Variants in SLC28A3 observed in about 807,000 individuals in gnomAD.
SLC28A3 encodes the protein solute carrier family 28 member 3, also known as concentrative Na(+)-nucleoside cotransporter 3.
A neutral mutation model predicts 84.2 loss-of-function variants in SLC28A3; 68 were observed. The observed-to-expected ratio is 0.81, with a 90% CI of 0.66 to 0.99. The LOEUF is 0.99. Ranked by LOEUF, SLC28A3 falls within the 50% of genes least tolerant of loss-of-function variation. The pLI is 0.00. For missense variants in SLC28A3, 712 were observed against 841.5 expected (o/e 0.85, Z 1.90); for synonymous variants, 267 against 303.6 (o/e 0.88, Z 1.25).
intron 5 of SLC28A3, among the ~76,000 whole-genome samples, chr9:84,301,352 A>AG (rs59593413): frequency 0.051 from 7,405 of 144,802 alleles, 240 homozygotes; most frequent in African/African-American, 0.19. Context: ...TCTGTCTCAA[A>AG]AAAAAAAAAA....
At chr9:84,342,829 G>T (rs1442522635), upstream of SLC28A3, among the ~76,000 whole-genome samples, 1 of 152,138 alleles carries the variant, frequency 6.6e-6, no homozygotes, top group Non-Finnish European at 1.5e-5. Flanking sequence ...ACACATTCTA[G>T]GAACAGAAAG....
chr9:84,281,957 C>T (rs1824768178), intron 14 of SLC28A3, among the ~76,000 whole-genome samples: 2 of 151,312 alleles, frequency 1.3e-5, no homozygotes, highest in Admixed American at 6.6e-5. Context: ...GAAACACTGC[C>T]TCTACTAAAA....
chr9:84,334,166 G>A (rs1307981940), intron 1 of SLC28A3, among the ~76,000 whole-genome samples: 1 of 152,160 alleles, frequency 6.6e-6, no homozygotes, highest in Non-Finnish European at 1.5e-5. Context: ...GGGCCTGGTG[G>A]CTCATGCCTG....
chr9:84,366,935 A>G, the SLC28A3 span, among the ~76,000 whole-genome samples: 2 of 152,204 alleles, frequency 1.3e-5, no homozygotes, highest in Non-Finnish European at 2.9e-5. Context: ...TACAGTCAAC[A>G]GGTGACAAGG....
chr9:84,326,726 C>A (rs965551102), intron 1 of SLC28A3, among the ~76,000 whole-genome samples: 1 of 152,132 alleles, frequency 6.6e-6, no homozygotes, highest in Admixed American at 6.5e-5. Flanking sequence ...ACACCTCAGG[C>A]CAAGTGTGGT....
chr9:84,339,313 G>A (rs567198416), intron 1 of SLC28A3, among the ~76,000 whole-genome samples: 23 of 152,162 alleles, frequency 1.5e-4, no homozygotes, highest in Middle Eastern at 3.4e-3. Context: ...ACAGAGGCAC[G>A]ATCTTGGCTC....
intron 11 of SLC28A3, among the ~76,000 whole-genome samples, chr9:84,289,050 G>A (rs1312103800): frequency 4.6e-5 from 7 of 151,950 alleles, no homozygotes; most frequent in Non-Finnish European, 7.4e-5. Context: ...AGGTCCACTC[G>A]TTCCCCTTCC....
chr9:84,363,073 T>C, the SLC28A3 span, among the ~76,000 whole-genome samples: 1 of 152,214 alleles, frequency 6.6e-6, no homozygotes, highest in African/African-American at 2.4e-5. Context: ...GAAAGAAATA[T>C]TAACTTTCAG....
the SLC28A3 span, among the ~76,000 whole-genome samples, chr9:84,360,435 T>G: frequency 6.6e-6 from 1 of 152,072 alleles, no homozygotes; most frequent in African/African-American, 2.4e-5. Context: ...TGGGGAGCCC[T>G]GGAGATGTTT....
intron 12 of SLC28A3, 102 bp from the exon 13 acceptor site, chr9:84,286,213 C>T: frequency 8.9e-7 from 1 of 1,125,304 alleles, no homozygotes; most frequent in East Asian, 2.5e-5. Flanking sequence ...AAGAGACAAA[C>T]TCTAAGGCCC....
intron 9 of SLC28A3, among the ~76,000 whole-genome samples, chr9:84,293,273 G>C (rs1169525667): frequency 6.6e-6 from 1 of 152,160 alleles, no homozygotes; most frequent in Non-Finnish European, 1.5e-5. Context: ...CGTGGTTTTT[G>C]GTTCCACTTT....
rs2118389737 is a variant in SLC28A3, at chr9:84,309,598, C to T, written c.242+31G>A. On this transcript the variant is annotated intron_variant, in intron 3 of 17. Coordinates refer to ENST00000376238, the MANE Select transcript of SLC28A3 (RefSeq NM_001199633.2). ...GTAATAAAACCAAACGGGAGGTAGGCTTGGTTATTTCCCTGTTTTAAAGAC... is the reference window on the plus strand; with the variant it reads ...GTAATAAAACCAAACGGGAGGTAGGTTTGGTTATTTCCCTGTTTTAAAGAC... The T allele has an allele frequency of 2.9e-6, 4 of 1,391,688 alleles. No homozygotes were observed. The East Asian group carries it at 7.8e-5, about 27-fold the overall frequency. 86.2% of individuals were successfully genotyped at this position (1,391,688 alleles called of 1,614,324 possible). A position where few individuals can be genotyped will look rare whatever the true frequency, so the allele number is the denominator to read the frequency against.
chr9:84,291,485 C>T (rs568615041), intron 10 of SLC28A3, among the ~76,000 whole-genome samples: 12 of 152,278 alleles, frequency 7.9e-5, no homozygotes, highest in African/African-American at 1.2e-4. Context: ...TCCAGGCATA[C>T]GCCACCATGC....
intron 1 of SLC28A3, among the ~76,000 whole-genome samples, chr9:84,335,192 C>A (rs921351510): frequency 1.3e-5 from 2 of 152,146 alleles, no homozygotes; most frequent in Non-Finnish European, 2.9e-5. Flanking sequence ...AACCAACAGG[C>A]CTCAAAGAGA....
the SLC28A3 span, among the ~76,000 whole-genome samples, chr9:84,359,855 G>T: frequency 1.3e-5 from 2 of 151,840 alleles, no homozygotes; most frequent in Admixed American, 1.3e-4. Flanking sequence ...ACAAAAATTA[G>T]CTGGGCATGG....
the SLC28A3 span, among the ~76,000 whole-genome samples, chr9:84,361,598 G>A: frequency 6.6e-6 from 1 of 152,022 alleles, no homozygotes; most frequent in Non-Finnish European, 1.5e-5. Context: ...CAGCTCTCCC[G>A]CGAGAGTGTT....
rs1224343958 is a variant in SLC28A3 at position 84,299,577 on chromosome 9, T to A, written c.669+4A>T. 6.2e-7 allele frequency: 1 copy of A among 1,613,792 alleles called. No homozygotes were observed. The highest frequency in any genetic ancestry group is 8.5e-7 in the Non-Finnish European group (1 of 1,179,908). On this transcript the variant is annotated splice_donor_region_variant and intron_variant, in intron 6 of 17. Transcript: ENST00000376238. ...AGAACCTAAAAGATCAACTGGATAC[T>A]TACTCTGGTTGGGTACTTGGAAAAT...
intron 9 of SLC28A3, among the ~76,000 whole-genome samples, chr9:84,293,086 A>G (rs1327346504): frequency 2.0e-5 from 3 of 152,260 alleles, no homozygotes; most frequent in Non-Finnish European, 2.9e-5. Context: ...AGCCCTTGAC[A>G]GTCCAGAAAA....
At chr9:84,306,144 G>A (rs1825780906) in intron 3 of SLC28A3, among the ~76,000 whole-genome samples, 1 of 152,020 alleles carries the variant, frequency 6.6e-6, no homozygotes, top group South Asian at 2.1e-4. Flanking sequence ...TCTTTCTTTG[G>A]AGGCCTCTCC....
Sources: gnomAD v4.1 joint callset for allele counts (sites outside exome capture counted in the v4.1 genomes callset) on GRCh38, gnomAD v4.1.1 for gene constraint, MANE v1.5 for transcripts, NCBI Gene and HGNC (gene_info 2026-07-23, HGNC 2026-07-21) for gene names.